The following RBFOX1 variants were observed in gnomAD, a reference collection of about 807,000 sequenced individuals.
RBFOX1 encodes RNA binding fox-1 homolog 1, also known as RNA binding protein fox-1 homolog 1.
Under a neutral mutation model 57.7 loss-of-function variants are expected in RBFOX1, and 8 were observed. The observed-to-expected ratio is 0.14, with a 90% CI of 0.08 to 0.25. The LOEUF (loss-of-function observed/expected upper bound fraction) is 0.25, where lower values mean the gene tolerates loss of function less well. Among genes scored for constraint, RBFOX1 ranks in the 10% least tolerant of loss-of-function variants. The probability of loss-of-function intolerance (pLI) is 1.00; values close to 1 mark genes in which losing one functional copy is unlikely to be tolerated. For missense variants in RBFOX1, 611 were observed against 548.5 expected (o/e 1.11, Z -1.14); for synonymous variants, 326 against 222.4 (o/e 1.47, Z -4.15).
chr16:5,511,648 A>G (rs1019150018), intron 2 of RBFOX1, among the ~76,000 whole-genome samples: 2 of 152,146 alleles, frequency 1.3e-5, no homozygotes, highest in African/African-American at 2.4e-5. Context: ...TCCCCATTTT[A>G]TAGAAGAAGA....
At chr16:5,335,424 G>A (rs1371409941) in intron 1 of RBFOX1, among the ~76,000 whole-genome samples, 1 of 152,150 alleles carries the variant, frequency 6.6e-6, no homozygotes. Flanking sequence ...CGTCATCAGC[G>A]GGACTGGGGG....
chr16:7,705,797 A>C (rs983594059), intron 14 of RBFOX1, among the ~76,000 whole-genome samples: 3 of 152,192 alleles, frequency 2.0e-5, no homozygotes, highest in African/African-American at 7.2e-5. Context: ...GTGTTGATGA[A>C]CTAGTGGCAT....
intron 1 of RBFOX1, among the ~76,000 whole-genome samples, chr16:6,033,424 C>G (rs943357465): frequency 1.3e-5 from 2 of 152,178 alleles, no homozygotes; most frequent in African/African-American, 2.4e-5. Flanking sequence ...TTAGAGACAA[C>G]TATTTTTATA....
intron 2 of RBFOX1, among the ~76,000 whole-genome samples, chr16:6,331,437 GA>G (rs113737947): frequency 6.6e-6 from 1 of 151,460 alleles, no homozygotes; most frequent in African/African-American, 2.4e-5. Context: ...ACAGAATGAA[GA>G]AAAAAAGTCT....
intron 14 of RBFOX1, among the ~76,000 whole-genome samples, chr16:7,702,125 G>A (rs138018010): frequency 0.015 from 2,233 of 152,218 alleles, 27 homozygotes; most frequent in Middle Eastern, 0.031. Flanking sequence ...AAATGGATGC[G>A]CACTGGGATT....
intron 1 of RBFOX1, among the ~76,000 whole-genome samples, chr16:5,381,913 T>G (rs2066140402): frequency 6.6e-6 from 1 of 152,248 alleles, no homozygotes; most frequent in African/African-American, 2.4e-5. Flanking sequence ...CATTTGGGGC[T>G]GATCATTCTT....
intron 4 of RBFOX1, among the ~76,000 whole-genome samples, chr16:7,394,019 T>C (rs890297595): frequency 3.9e-5 from 6 of 152,156 alleles, no homozygotes; most frequent in African/African-American, 1.2e-4. Flanking sequence ...GCAGATCACC[T>C]GAGGTCAGGA....
At chr16:6,082,347 ATTT>A (rs71142677) in intron 1 of RBFOX1, among the ~76,000 whole-genome samples, 68 of 41,032 alleles carry the variant, frequency 1.7e-3, no homozygotes, top group African/African-American at 5.1e-3. Flanking sequence ...CACCTGGCTA[ATTT>A]TTTTTTTTTT....
At chr16:6,149,715 T>C (rs906573999) in intron 1 of RBFOX1, among the ~76,000 whole-genome samples, 1 of 152,184 alleles carries the variant, frequency 6.6e-6, no homozygotes, top group Non-Finnish European at 1.5e-5. Flanking sequence ...CCATAAGAGA[T>C]GCAGGTTATC....
intron 14 of RBFOX1, among the ~76,000 whole-genome samples, chr16:7,699,117 A>G (rs983437073): frequency 6.6e-6 from 1 of 152,196 alleles, no homozygotes; most frequent in Non-Finnish European, 1.5e-5. Context: ...GGAAATCTGC[A>G]TTCTAACAAG....
At chr16:5,454,525 G>C (rs142398454) in intron 1 of RBFOX1, among the ~76,000 whole-genome samples, 1 of 152,264 alleles carries the variant, frequency 6.6e-6, no homozygotes, top group African/African-American at 2.4e-5. Flanking sequence ...CTACAATGTG[G>C]GTGGGCTGTA....
intron 4 of RBFOX1, among the ~76,000 whole-genome samples, chr16:7,235,012 A>T (rs972649262): frequency 6.6e-6 from 1 of 152,078 alleles, no homozygotes; most frequent in African/African-American, 2.4e-5. Context: ...ATGTCTAACG[A>T]TTTTTTGCAA....
chr16:5,777,982 G>A (rs1188627239), intron 3 of RBFOX1, among the ~76,000 whole-genome samples: 2 of 152,154 alleles, frequency 1.3e-5, no homozygotes, highest in African/African-American at 4.8e-5. Context: ...TCATTTTGCA[G>A]AGTAGAAAAC....
chr16:5,455,516 G>C (rs1379410406), intron 1 of RBFOX1, among the ~76,000 whole-genome samples: 2 of 152,166 alleles, frequency 1.3e-5, no homozygotes, highest in Non-Finnish European at 2.9e-5. Context: ...GGAGGCCTTG[G>C]AGAATATTTG....
chr16:6,263,680 T>A (rs1327089050), intron 1 of RBFOX1, among the ~76,000 whole-genome samples: 2 of 152,172 alleles, frequency 1.3e-5, no homozygotes, highest in African/African-American at 4.8e-5. Context: ...GGCATGGTAG[T>A]TGCTCCATTT....
chr16:7,675,914 T>A (rs1017089483), intron 13 of RBFOX1, among the ~76,000 whole-genome samples: 1 of 152,230 alleles, frequency 6.6e-6, no homozygotes, highest in Non-Finnish European at 1.5e-5. Flanking sequence ...TGTGGTCCAC[T>A]GAGCAAGAAG....
chr16:6,753,542 T>G (rs571475887), intron 3 of RBFOX1, among the ~76,000 whole-genome samples: 1 of 152,314 alleles, frequency 6.6e-6, no homozygotes, highest in Admixed American at 6.5e-5. Context: ...TTCTTCTCTT[T>G]GAATATTTGT....
chr16:6,656,968 C>A (rs1179900896), intron 3 of RBFOX1, among the ~76,000 whole-genome samples: 4 of 134,252 alleles, frequency 3.0e-5, no homozygotes, highest in Admixed American at 2.2e-4. Context: ...CTTTCCTCTC[C>A]TCTCCTCCCC....
intron 3 of RBFOX1, among the ~76,000 whole-genome samples, chr16:6,963,271 G>C (rs894219572): frequency 2.0e-5 from 3 of 151,980 alleles, no homozygotes; most frequent in African/African-American, 7.3e-5. Flanking sequence ...CCCATCTTAG[G>C]GTCTTTCAAC....
Sources: gnomAD v4.1 joint callset for allele counts (sites outside exome capture counted in the v4.1 genomes callset) on GRCh38, gnomAD v4.1.1 for gene constraint, MANE v1.5 for transcripts, NCBI Gene and HGNC (gene_info 2026-07-23, HGNC 2026-07-21) for gene names.